Variants in FHAD1 observed in about 807,000 individuals in gnomAD.
FHAD1 encodes forkhead associated phosphopeptide binding domain 1.
In FHAD1, 146 loss-of-function variants were observed where a neutral mutation model predicts 191.3. The ratio of observed to expected loss-of-function variants is 0.76; its 90% CI spans 0.67 to 0.88. FHAD1 has a LOEUF of 0.88. Ranked by LOEUF, FHAD1 falls within the 40% of genes least tolerant of loss-of-function variation. FHAD1 has a pLI of 0.00. For synonymous variants in FHAD1, 616 were observed against 672.3 expected, an observed-to-expected ratio of 0.92 and a Z score of 1.29; for missense variants, 1,635 against 1,785.8, an observed-to-expected ratio of 0.92 and a Z score of 1.52.
intron 3 of FHAD1, among the ~76,000 whole-genome samples, chr1:15,280,477 G>A (rs532594501): frequency 6.6e-6 from 1 of 152,268 alleles, no homozygotes; most frequent in Non-Finnish European, 1.5e-5. Context: ...CCTGAAGTTT[G>A]CTTCCTCCTC....
rs1330863177 is a variant in FHAD1, at chr1:15,329,381, G to A, written c.1746G>A (p.Leu582=). The A allele has an allele frequency of 6.5e-7, 1 of 1,550,064 alleles. No individual in the cohort carries two copies. Among genetic ancestry groups the A allele is most frequent in the Non-Finnish European group, 8.7e-7 (1 of 1,146,040 alleles). The change falls in exon 14 of 34, where the codon CTG becomes CTA. Residue 582 remains leucine (L), a synonymous_variant. Coordinates refer to ENST00000688493, the MANE Select transcript of FHAD1 (RefSeq NM_001391957.1). The surrounding 1 kb of genome is among the most constrained non-coding windows in gnomAD (Gnocchi z 5.0). ...CMKISCCSHD[L]KKEVDLLQHL... The stretch of plus-strand genomic sequence containing the variant: ...AAATATCCTGTTGCAGCCATGACCT[G>A]AAGAAGGAGGTCGACCTTCTTCAGC...
rs114273622 is a variant in FHAD1 at position 15,377,016 on chromosome 1, G to C, written c.3705+1286G>C. On this transcript the variant is annotated intron_variant, in intron 28 of 33. Transcript: ENST00000688493. ...TGATCGTGCCACTGCTCTCCAGCAG[G>C]GACAACAGGATTTCCAGAAGTGATT... Among the ~76,000 whole-genome samples the C allele has an allele frequency of 3.6e-3, 554 of 152,276 alleles. 4 individuals are homozygous for C. Among genetic ancestry groups the C allele is most frequent in the African/African-American group, 0.012 (517 of 41,554 alleles).
chr1:15,308,378 G>T (rs556031656), intron 6 of FHAD1, among the ~76,000 whole-genome samples: 1 of 152,286 alleles, frequency 6.6e-6, no homozygotes, highest in South Asian at 2.1e-4. Context: ...AGCCAGGCCT[G>T]GGCCCCTTTA....
At chr1:15,305,955 A>G (rs1670359747) in intron 6 of FHAD1, 1 of 230,870 alleles carries the variant, frequency 4.3e-6, no homozygotes, top group Admixed American at 5.6e-5. Context: ...TGTGGAAGCA[A>G]CTTTGGAACT....
chr1:15,299,550 A>C lies in FHAD1; in HGVS notation c.679-1655A>C, dbSNP rs1033729487. Among the ~76,000 whole-genome samples the C allele has an allele frequency of 2.0e-5, 3 of 152,208 alleles. No homozygotes were observed. The South Asian group carries it at 6.2e-4, about 31-fold the overall frequency. On this transcript the variant is annotated intron_variant, in intron 5 of 33. Transcript: ENST00000688493. ...AGGCTGGGTCAATTGCAGGTGGGAC[A>C]GGAAGGCAGGTGGGACAGGAAGGAT...
chr1:15,288,816 A>G (rs1448042455), intron 3 of FHAD1, among the ~76,000 whole-genome samples: 2 of 152,038 alleles, frequency 1.3e-5, no homozygotes, highest in Admixed American at 6.6e-5. Flanking sequence ...CAGAGTGTTG[A>G]GTGTATTAAA....
intron 28 of FHAD1, among the ~76,000 whole-genome samples, chr1:15,378,436 A>T (rs893499619): frequency 1.3e-5 from 2 of 152,108 alleles, no homozygotes; most frequent in African/African-American, 4.8e-5. Flanking sequence ...AGAGAAGGAG[A>T]TGGGGATGGT....
chr1:15,369,542 A>G, intron 26 of FHAD1, 40 bp downstream of exon 26: 1 of 1,548,718 alleles, frequency 6.5e-7, no homozygotes, highest in Non-Finnish European at 8.7e-7. Flanking sequence ...AGGATGTGCA[A>G]AGACACAGCC....
intron 23 of FHAD1, among the ~76,000 whole-genome samples, chr1:15,365,331 TTC>T (rs1696060778): frequency 6.6e-6 from 1 of 151,966 alleles, no homozygotes; most frequent in South Asian, 2.1e-4. Context: ...ATTTTCTTTT[TTC>T]TTTCTTTCTT....
At chr1:15,284,796 A>G (rs1403267883) in intron 3 of FHAD1, among the ~76,000 whole-genome samples, 1 of 151,804 alleles carries the variant, frequency 6.6e-6, no homozygotes, top group Non-Finnish European at 1.5e-5. Flanking sequence ...GGTGTGGTCC[A>G]GGTGGTTGGC....
chr1:15,294,764 C>A (rs1369193365), intron 4 of FHAD1, among the ~76,000 whole-genome samples: 1 of 152,094 alleles, frequency 6.6e-6, no homozygotes, highest in African/African-American at 2.4e-5. Context: ...GCAGTTCTCT[C>A]CCACTCAAGC....
intron 21 of FHAD1, among the ~76,000 whole-genome samples, chr1:15,359,688 A>G (rs1558220742): frequency 6.6e-6 from 1 of 152,080 alleles, no homozygotes; most frequent in Non-Finnish European, 1.5e-5. Context: ...TCTCCACTAA[A>G]AAAAAAATAC....
chr1:15,296,512 C>G, intron 4 of FHAD1, 172 bp from the exon 5 acceptor site: 1 of 654,920 alleles, frequency 1.5e-6, no homozygotes, highest in Non-Finnish European at 2.8e-6. Context: ...CTTGGCCTCC[C>G]AAAGTGCTGG....
At chr1:15,331,433 C>T (rs1258043412) in intron 14 of FHAD1, among the ~76,000 whole-genome samples, 3 of 115,650 alleles carry the variant, frequency 2.6e-5, no homozygotes, top group Non-Finnish European at 3.5e-5. Context: ...GATGGATGGA[C>T]GGACGGGTGG....
chr1:15,366,284 CAAAA>C (rs35252287), intron 24 of FHAD1, among the ~76,000 whole-genome samples: 5 of 44,446 alleles, frequency 1.1e-4, no homozygotes, highest in African/African-American at 3.8e-4. Context: ...GACTCTGTCT[CAAAA>C]AAAAAAAAAA....
At chr1:15,272,205 A>G in intron 2 of FHAD1, 118 bp from the exon 3 acceptor site, 1 of 901,390 alleles carries the variant, frequency 1.1e-6, no homozygotes. Context: ...TCCTTTTAAA[A>G]TGAGGATTGT....
At chr1:15,262,342 C>T (rs1651463344) in intron 2 of FHAD1, among the ~76,000 whole-genome samples, 1 of 152,134 alleles carries the variant, frequency 6.6e-6, no homozygotes, top group South Asian at 2.1e-4. Flanking sequence ...TATTCTTCAC[C>T]ACAAACCCAT....
intron 2 of FHAD1, among the ~76,000 whole-genome samples, chr1:15,264,639 C>G (rs376545909): frequency 1.9e-4 from 29 of 151,196 alleles, no homozygotes; most frequent in African/African-American, 6.3e-4. Context: ...AATTTTATTT[C>G]TGGGATATAT....
intron 26 of FHAD1, among the ~76,000 whole-genome samples, chr1:15,371,250 C>T (rs189380578): frequency 2.6e-5 from 4 of 152,320 alleles, no homozygotes; most frequent in African/African-American, 9.6e-5. Flanking sequence ...CACAGGGTCC[C>T]GCCCACACCA....
Sources: allele counts gnomAD v4.1 joint callset (sites outside exome capture counted in the v4.1 genomes callset), GRCh38; gene constraint gnomAD v4.1.1; non-coding constraint Gnocchi (gnomAD v3.1); transcripts MANE v1.5; gene names NCBI Gene and HGNC (gene_info 2026-07-23, HGNC 2026-07-21).